Variants in TTLL4 observed in about 807,000 individuals in gnomAD.
TTLL4 encodes the protein tubulin tyrosine ligase like 4.
Under a neutral mutation model 122.7 loss-of-function variants are expected in TTLL4, and 85 were observed. The ratio of observed to expected loss-of-function variants is 0.69; its 90% CI spans 0.58 to 0.83. The LOEUF (loss-of-function observed/expected upper bound fraction) is 0.83. Among genes scored for constraint, TTLL4 ranks in the 40% least tolerant of loss-of-function variants. TTLL4 has a pLI of 0.00. For synonymous variants in TTLL4, 553 were observed against 563.0 expected (o/e 0.98, Z 0.25); for missense variants, 1,363 against 1,488.6 (o/e 0.92, Z 1.39).
At chr2:218,748,383 G>A in intron 12 of TTLL4, 156 bp downstream of exon 12, 1 of 1,216,702 alleles carries the variant, frequency 8.2e-7, no homozygotes, top group Non-Finnish European at 1.1e-6. Flanking sequence ...GGCCGGATGT[G>A]GTGGCTCACG....
downstream of TTLL4, among the ~76,000 whole-genome samples, chr2:218,756,122 T>A (rs1439748207): frequency 6.6e-6 from 1 of 152,194 alleles, no homozygotes; most frequent in Non-Finnish European, 1.5e-5. Flanking sequence ...TCTGCTGCCT[T>A]CCTAAGAGAA....
Position 218,753,752 on chromosome 2 carries a change from A to C in TTLL4, c.3344+83A>C, listed in dbSNP as rs1943088056. The C allele has an allele frequency of 7.5e-6, 11 of 1,457,450 alleles. No individual in the cohort carries two copies. The South Asian group carries it at 1.3e-4, about 17-fold the overall frequency. 90.3% of individuals were successfully genotyped at this position (1,457,450 alleles called of 1,614,324 possible). On this transcript the variant is annotated intron_variant, in intron 19 of 19. Transcript: ENST00000392102. ...CCTTCCCCTCTTCCCAGACTGTGGCAGTGAGATCAGCATTCTCCAGCTGGG... is the reference window on the plus strand; with the variant it reads ...CCTTCCCCTCTTCCCAGACTGTGGCCGTGAGATCAGCATTCTCCAGCTGGG...
At chr2:218,745,330 A>C in intron 6 of TTLL4, 97 bp downstream of exon 6, 5 of 1,529,066 alleles carry the variant, frequency 3.3e-6, no homozygotes, top group Non-Finnish European at 3.6e-6. Flanking sequence ...GAGGGTTTCC[A>C]GAATGGCTGT....
chr2:218,753,580 TTAG>T lies in TTLL4; in HGVS notation c.3259-2_3259del, dbSNP rs758943134. 194 of 1,614,098 alleles carry T rather than the reference TTAG, an allele frequency of 1.2e-4. 4 individuals carry two copies. The Admixed American group carries it at 3.2e-3, about 26-fold the overall frequency. ...TTTGGTCTCATTGCTTCCTTTGCTCTTAGTGGTCTCTCCCGACATCACTTCTGA... is the reference window on the plus strand; with the variant it reads ...TTTGGTCTCATTGCTTCCTTTGCTCTTGGTCTCTCCCGACATCACTTCTGA... On this transcript the variant is annotated splice_acceptor_variant and splice_polypyrimidine_tract_variant and intron_variant, in intron 18 of 19. Transcript: ENST00000392102. LOFTEE classifies it high-confidence loss of function.
intron 1 of TTLL4, among the ~76,000 whole-genome samples, chr2:218,713,269 C>T (rs1039818128): frequency 6.6e-6 from 1 of 152,068 alleles, no homozygotes; most frequent in African/African-American, 2.4e-5. Context: ...CTTATAGTCC[C>T]AGCTATTTGT....
Position 218,753,620 on chromosome 2 carries a change from G to A in TTLL4, c.3295G>A (p.Asp1099Asn). 6.2e-7 allele frequency: 1 copy of A among 1,614,170 alleles called. No individual in the cohort carries two copies. Among genetic ancestry groups the A allele is most frequent in the Middle Eastern group, 1.6e-4 (1 of 6,062 alleles). Residue 1099 changes from aspartate to asparagine, a missense_variant, in exon 19 of 20, where the codon GAT becomes AAT. This residue lies in a region of TTLL4 where 596 missense variants were observed against 655.8 expected (regional missense o/e 0.91). Transcript: ENST00000392102. ...GACATCACTTCTGACTATCTCAAAG[G>A]ATGACGTGATACTCAATGCCTTCAG... ...LPTSLLTISK[D>N]DVILNAFSKS...
At chr2:218,742,044 T>G (rs1233567414) in intron 5 of TTLL4, among the ~76,000 whole-genome samples, 1 of 152,096 alleles carries the variant, frequency 6.6e-6, no homozygotes, top group African/African-American at 2.4e-5. Context: ...TACTGTAACC[T>G]CGAACTCCTG....
At chr2:218,749,549 A>G (rs1575182669) in intron 14 of TTLL4, among the ~76,000 whole-genome samples, 162 bp downstream of exon 14, 1 of 151,278 alleles carries the variant, frequency 6.6e-6, no homozygotes, top group Non-Finnish European at 1.5e-5. Context: ...GCTTACTGCA[A>G]CCTCCGCCTC....
At chr2:218,740,253 A>C (rs1942662612) in intron 4 of TTLL4, 86 bp downstream of exon 4, 7 of 1,289,698 alleles carry the variant, frequency 5.4e-6, no homozygotes, top group South Asian at 1.3e-5. Flanking sequence ...TAGGTCCTTG[A>C]CTCACATTAC....
chr2:218,744,013 T>C (rs528119946), intron 5 of TTLL4, among the ~76,000 whole-genome samples: 14 of 152,362 alleles, frequency 9.2e-5, no homozygotes, highest in East Asian at 1.9e-4. Flanking sequence ...CTCATTCTTA[T>C]TGACTTTCAA....
At chr2:218,734,163 A>G (rs970157473) in intron 2 of TTLL4, among the ~76,000 whole-genome samples, 4 of 152,208 alleles carry the variant, frequency 2.6e-5, no homozygotes, top group Admixed American at 1.3e-4. Flanking sequence ...ATTATAGGAA[A>G]GTTACTTAAC....
At chr2:218,731,592 G>A (rs1408309703) in intron 2 of TTLL4, among the ~76,000 whole-genome samples, 1 of 152,188 alleles carries the variant, frequency 6.6e-6, no homozygotes, top group Non-Finnish European at 1.5e-5. Flanking sequence ...TGGTGCCAGT[G>A]AGAATGAGAG....
rs1942569791 is a variant in TTLL4, at chr2:218,737,780, A to G, written c.104A>G (p.Lys35Arg). The G allele has an allele frequency of 6.2e-7, 1 of 1,613,920 alleles. No homozygotes were observed. Among genetic ancestry groups the G allele is most frequent in the Admixed American group, 1.7e-5 (1 of 60,004 alleles). The change falls in exon 3 of 20, where the codon AAA becomes AGA. Residue 35 changes from lysine (K) to arginine (R), a missense_variant. Physicochemically the swap from Lys to Arg is conservative, Grantham distance 26. Around this residue, in one of 3 missense-constraint regions of TTLL4, gnomAD observed 760 missense variants for 808.4 expected, o/e 0.94. Transcript: ENST00000392102. The stretch of plus-strand genomic sequence containing the variant: ...ACAGTACCTGCCACGCCACCTGAGA[A>G]ACCCTCGGAGGGCAGAGTCTGGCCT... Reference protein sequence around the residue: ...SGTVPATPPEKPSEGRVWPQA... With the variant: ...SGTVPATPPERPSEGRVWPQA...
At chr2:218,727,906 G>C (rs1473042160) in intron 2 of TTLL4, 2 of 152,224 alleles carry the variant, frequency 1.3e-5, no homozygotes, top group African/African-American at 2.4e-5. Context: ...ATATGTGTAT[G>C]TCTTTACACT....
intron 1 of TTLL4, among the ~76,000 whole-genome samples, chr2:218,714,388 T>C (rs1002519210): frequency 1.3e-5 from 2 of 152,266 alleles, no homozygotes; most frequent in African/African-American, 4.8e-5. Flanking sequence ...GCTTTCTCAC[T>C]AGATTCCTTC....
At position 218,745,679 on chromosome 2, in the gene TTLL4, C is replaced by CAAG; in HGVS notation, c.1787-11_1787-10insAGA. 1 of 1,576,650 alleles carries CAAG rather than the reference C, an allele frequency of 6.3e-7. No homozygotes were observed. Among genetic ancestry groups the CAAG allele is most frequent in the Non-Finnish European group, 8.7e-7 (1 of 1,151,816 alleles). The stretch of plus-strand genomic sequence containing the variant: ...CCATCCCCCATCCCCACACCCCTTG[C>CAAG]ATTCTTCCCAGTGGAGAAACTTCCC... On this transcript the variant is annotated splice_polypyrimidine_tract_variant and intron_variant, in intron 6 of 19. Transcript: ENST00000392102.
chr2:218,713,517 T>G (rs1013020194), intron 1 of TTLL4, among the ~76,000 whole-genome samples: 4 of 152,170 alleles, frequency 2.6e-5, no homozygotes, highest in Non-Finnish European at 5.9e-5. Flanking sequence ...TGGGCCCAAG[T>G]GATCCTCCTG....
downstream of TTLL4, among the ~76,000 whole-genome samples, chr2:218,757,882 A>G (rs1943182926): frequency 6.6e-6 from 1 of 152,138 alleles, no homozygotes; most frequent in South Asian, 2.1e-4. Flanking sequence ...GTCCTCTAAG[A>G]TTAAGGCTTA....
At position 218,747,979 on chromosome 2, in the gene TTLL4, C is replaced by A; in HGVS notation, c.2379-126C>A. 3 of 1,339,444 alleles carry A rather than the reference C, an allele frequency of 2.2e-6. No homozygotes were observed. Among genetic ancestry groups the A allele is most frequent in the Non-Finnish European group, 3.1e-6 (3 of 960,746 alleles). The allele number at this position is 1,339,444 out of a possible 1,614,324, so 83.0% of individuals were successfully genotyped here. A position where few individuals can be genotyped will look rare whatever the true frequency, so the allele number is the denominator to read the frequency against. ...TTTGCCAGTAGACACACTTCTCAGG[C>A]TCTTGTGGCTATGAAAAGATCTGTG... On this transcript the variant is annotated intron_variant, in intron 11 of 19. Coordinates refer to ENST00000392102, the MANE Select transcript of TTLL4 (RefSeq NM_014640.5). This position sits in a 1 kb window ranked among gnomAD's most constrained non-coding sequence, Gnocchi z 4.7.
Sources: gnomAD v4.1 joint callset for allele counts (sites outside exome capture counted in the v4.1 genomes callset) on GRCh38, gnomAD v4.1.1 for gene constraint, gnomAD v4.1.1 regional missense constraint, Gnocchi (gnomAD v3.1) non-coding constraint, MANE v1.5 for transcripts, NCBI Gene and HGNC (gene_info 2026-07-23, HGNC 2026-07-21) for gene names.